Variants in NAPSA observed in about 807,000 individuals in gnomAD.
NAPSA encodes napsin A aspartic peptidase, also known as napsin-A.
NAPSA carries 37 observed loss-of-function variants against 36.7 expected under a neutral mutation model. The observed-to-expected ratio is 1.01, with a 90% CI of 0.78 to 1.33. The LOEUF (loss-of-function observed/expected upper bound fraction) is 1.33, where lower values mean the gene tolerates loss of function less well. Among genes scored for constraint, NAPSA ranks in the 40% most tolerant of loss-of-function variants. NAPSA has a pLI of 0.00. For missense variants in NAPSA, 532 were observed against 543.8 expected (o/e 0.98, Z 0.21); for synonymous variants, 222 against 234.5 (o/e 0.95, Z 0.49).
chr19:50,362,810 A>G (rs976469236), intron 1 of NAPSA: 1 of 152,664 alleles, frequency 6.6e-6, no homozygotes, highest in Non-Finnish European at 1.5e-5. Flanking sequence ...GAGAGCCACT[A>G]TGCCCTGTCC....
Position 50,358,955 on chromosome 19 carries a change from T to C in NAPSA, c.1035+56A>G, listed in dbSNP as rs1046464966. The C allele has an allele frequency of 4.7e-6, 7 of 1,499,524 alleles. No individual in the cohort carries two copies. The African/African-American group carries it at 5.5e-5, about 12-fold the overall frequency. 92.9% of individuals were successfully genotyped at this position (1,499,524 alleles called of 1,614,324 possible). ...CCTTCCTAGTGACGTCTCTCAGCTC[T>C]ACCCTCTCAAACCGTCATATGACGT... On this transcript the variant is annotated intron_variant, in intron 8 of 8. Coordinates refer to ENST00000253719, the MANE Select transcript of NAPSA (RefSeq NM_004851.3).
intron 1 of NAPSA, among the ~76,000 whole-genome samples, chr19:50,363,673 C>T (rs942792762): frequency 6.6e-6 from 1 of 152,086 alleles, no homozygotes; most frequent in Non-Finnish European, 1.5e-5. Flanking sequence ...AGCAATCCTC[C>T]TTCCTCACCC....
intron 1 of NAPSA, among the ~76,000 whole-genome samples, chr19:50,365,042 A>G (rs2037529127): frequency 6.7e-6 from 1 of 149,040 alleles, no homozygotes; most frequent in Non-Finnish European, 1.5e-5. Context: ...TAATAATAAA[A>G]GGGCTCTGGT....
intron 1 of NAPSA, among the ~76,000 whole-genome samples, chr19:50,363,739 T>C (rs2037505905): frequency 6.6e-6 from 1 of 152,004 alleles, no homozygotes. Context: ...AATTTTTGTA[T>C]TTTTTGTAGA....
Position 50,359,592 on chromosome 19 carries a change from C to T in NAPSA, c.847G>A (p.Asp283Asn). Residue 283 changes from aspartate (D) to asparagine (N), a missense_variant, in exon 7 of 9, where the codon GAT (aspartate) becomes AAT (asparagine). By Grantham distance (23) the Asp-to-Asn change is conservative (BLOSUM62 1). Transcript: ENST00000253719. ...LCAKGCAAIL[D>N]TGTSLITGPT... ...CCTGTGATGAGGGACGTGCCCGTAT[C>T]CAGGATGGCAGCACAGCCCTTGGCA... is the stretch of plus-strand genomic sequence containing the variant. 1 of 1,614,228 alleles carries T rather than the reference C, an allele frequency of 6.2e-7. No homozygotes were observed. Among genetic ancestry groups the T allele is most frequent in the South Asian group, 1.1e-5 (1 of 91,088 alleles).
At chr19:50,363,250 C>T (rs913407081) in intron 1 of NAPSA, among the ~76,000 whole-genome samples, 1 of 152,074 alleles carries the variant, frequency 6.6e-6, no homozygotes, top group Non-Finnish European at 1.5e-5. Context: ...CACCCCTCCC[C>T]CTACCAAGAG....
chr19:50,367,565 TCTC>T (rs2037564656), upstream of NAPSA, among the ~76,000 whole-genome samples: 3 of 147,748 alleles, frequency 2.0e-5, no homozygotes, highest in Non-Finnish European at 3.1e-5. Context: ...TCTCTCTCTC[TCTC>T]TCTCTCTCTC....
At chr19:50,367,576 C>CTG (rs1336468200), upstream of NAPSA, among the ~76,000 whole-genome samples, 1 of 146,610 alleles carries the variant, frequency 6.8e-6, no homozygotes, top group African/African-American at 2.7e-5. Flanking sequence ...CTCTCTCTCT[C>CTG]TCTCTGTCTC....
Position 50,365,593 on chromosome 19 carries a change from A to G in NAPSA, c.29T>C (p.Leu10Pro), listed in dbSNP as rs2037538818. The G allele has an allele frequency of 2.8e-5, 45 of 1,612,780 alleles. No homozygotes were observed. The highest frequency in any genetic ancestry group is 3.6e-5 in the Non-Finnish European group (43 of 1,179,606). MSPPPLLQP[L>P]LLLLPLLNVE... ...ATTCAGCAGAGGCAGCAGCAGCAGC[A>G]GGGGTTGCAGCAGCGGTGGTGGAGA... Residue 10 changes from leucine to proline, a missense_variant, in exon 1 of 9, where the codon CTG becomes CCG. Leu to Pro is a moderately conservative substitution (Grantham distance 98). Coordinates refer to ENST00000253719, the MANE Select transcript of NAPSA (RefSeq NM_004851.3).
chr19:50,359,752 A>T lies in NAPSA; in HGVS notation c.779T>A (p.Ile260Asn). 6.2e-7 allele frequency: 1 copy of T among 1,614,174 alleles called. No homozygotes were observed. Among genetic ancestry groups the T allele is most frequent in the Non-Finnish European group, 8.5e-7 (1 of 1,180,036 alleles). Residue 260 changes from isoleucine to asparagine, a missense_variant, in exon 6 of 9, where the codon ATC becomes AAC. Physicochemically the swap from Ile to Asn is moderately radical, Grantham distance 149. Transcript: ENST00000253719. ...CCAAGTCCCTCACCGCTCCATGTGG[A>T]TCTGCCAGTAGGCAGGGACCGTGAC... ...VPVTVPAYWQ[I>N]HMERVKVGPG...
intron 7 of NAPSA, 83 bp downstream of exon 7, chr19:50,359,420 C>T (rs954763156): frequency 6.4e-7 from 1 of 1,568,292 alleles, no homozygotes. Flanking sequence ...TAAATACTTG[C>T]CTCCCACCCT....
At chr19:50,369,191 C>T (rs1301867981), upstream of NAPSA, 2 of 152,208 alleles carry the variant, frequency 1.3e-5, no homozygotes, top group Non-Finnish European at 2.9e-5. Context: ...TTATCGCCCA[C>T]ATTTTACCGG....
chr19:50,367,576 CTCTCTGTCTCTG>C (rs1156949637), upstream of NAPSA, among the ~76,000 whole-genome samples: 437 of 146,686 alleles, frequency 3.0e-3, 3 homozygotes, highest in African/African-American at 0.011. Context: ...CTCTCTCTCT[CTCTCTGTCTCTG>C]TCTCTCTCTC....
At chr19:50,362,991 G>A (rs2037497800) in intron 1 of NAPSA, 1 of 152,168 alleles carries the variant, frequency 6.6e-6, no homozygotes, top group African/African-American at 2.4e-5. Flanking sequence ...AAGTTCCCAG[G>A]TCATGACGAT....
chr19:50,363,306 G>A (rs942741250), intron 1 of NAPSA, among the ~76,000 whole-genome samples: 3 of 152,132 alleles, frequency 2.0e-5, no homozygotes, highest in Admixed American at 6.5e-5. Context: ...AGATGGGGGC[G>A]GGGAGGGGAC....
rs2037538165 is a variant in NAPSA, at chr19:50,365,577, A to T, written c.45T>A (p.Pro15=). 1 of 1,613,478 alleles carries T rather than the reference A, an allele frequency of 6.2e-7. No homozygotes were observed. Among genetic ancestry groups the T allele is most frequent in the South Asian group, 1.1e-5 (1 of 91,042 alleles). The change falls in exon 1 of 9, where the codon CCT becomes CCA. Residue 15 remains proline, a synonymous_variant. Transcript: ENST00000253719. ...PLLQPLLLLL[P]LLNVEPSGAT... is the part of the protein sequence containing the mutation. ...CCCCGGAAGGCTCCACATTCAGCAG[A>T]GGCAGCAGCAGCAGCAGGGGTTGCA...
intron 5 of NAPSA, 125 bp downstream of exon 5, chr19:50,360,816 A>T: frequency 2.2e-6 from 2 of 928,090 alleles, no homozygotes; most frequent in Non-Finnish European, 3.2e-6. Flanking sequence ...TGACTTCCTG[A>T]ATGGACAGTG....
intron 1 of NAPSA, among the ~76,000 whole-genome samples, chr19:50,364,544 G>T (rs1296315873): frequency 6.9e-6 from 1 of 145,636 alleles, no homozygotes; most frequent in Admixed American, 7.1e-5. Context: ...GAACCCGGGG[G>T]ACAGAGCTTG....
upstream of NAPSA, among the ~76,000 whole-genome samples, chr19:50,368,352 C>T (rs1441362785): frequency 2.0e-5 from 3 of 151,394 alleles, no homozygotes; most frequent in East Asian, 2.0e-4. Context: ...ATTATCTGGG[C>T]GTAATGGCAC....
Sources: gnomAD v4.1 joint callset for allele counts (sites outside exome capture counted in the v4.1 genomes callset) on GRCh38, gnomAD v4.1.1 for gene constraint, MANE v1.5 for transcripts, NCBI Gene and HGNC (gene_info 2026-07-23, HGNC 2026-07-21) for gene names.